NMNAT3: variants seen among roughly 807,000 people sequenced by gnomAD.
NMNAT3 encodes nicotinamide nucleotide adenylyltransferase 3.
In NMNAT3, 21 loss-of-function variants were observed where a neutral mutation model predicts 24.8. That is an observed-to-expected ratio of 0.85 (90% CI 0.60 to 1.22). The LOEUF (loss-of-function observed/expected upper bound fraction) is 1.22, where lower values mean the gene tolerates loss of function less well. Among genes scored for constraint, NMNAT3 ranks in the 50% most tolerant of loss-of-function variants. The pLI is 0.00. For synonymous variants in NMNAT3, 136 were observed against 155.2 expected, an observed-to-expected ratio of 0.88 and a Z score of 0.92; for missense variants, 387 against 436.6, an observed-to-expected ratio of 0.89 and a Z score of 1.01.
chr3:139,661,927 A>G (rs1049435570), intron 1 of NMNAT3, among the ~76,000 whole-genome samples: 1 of 152,206 alleles, frequency 6.6e-6, no homozygotes, highest in African/African-American at 2.4e-5. Context: ...ATTCCTTGAT[A>G]TCATCTAATC....
chr3:139,664,053 C>G (rs543272407), intron 1 of NMNAT3, among the ~76,000 whole-genome samples: 1 of 152,342 alleles, frequency 6.6e-6, no homozygotes, highest in Non-Finnish European at 1.5e-5. Context: ...TTGAGAAAAT[C>G]AGACAGTAAA....
intron 1 of NMNAT3, among the ~76,000 whole-genome samples, chr3:139,653,135 T>C (rs2057111640): frequency 6.6e-6 from 1 of 152,200 alleles, no homozygotes; most frequent in Non-Finnish European, 1.5e-5. Flanking sequence ...TGTCACTGTA[T>C]TGGTGTTATT....
At chr3:139,591,820 C>T (rs1296570260) in intron 3 of NMNAT3, among the ~76,000 whole-genome samples, 2 of 152,260 alleles carry the variant, frequency 1.3e-5, no homozygotes, top group African/African-American at 4.8e-5. Flanking sequence ...CCCATCTGTA[C>T]TTCACCATCA....
intron 1 of NMNAT3, among the ~76,000 whole-genome samples, chr3:139,659,787 A>G (rs1407633094): frequency 2.0e-5 from 3 of 152,194 alleles, no homozygotes; most frequent in Non-Finnish European, 2.9e-5. Flanking sequence ...ACATCCAGTC[A>G]TCGATAGTCT....
At chr3:139,656,524 A>G (rs1235273984) in intron 1 of NMNAT3, among the ~76,000 whole-genome samples, 1 of 152,010 alleles carries the variant, frequency 6.6e-6, no homozygotes, top group Non-Finnish European at 1.5e-5. Context: ...AGCTACTTAA[A>G]TACTCAAAAT....
chr3:139,575,804 A>G, intron 5 of NMNAT3: 1 of 1,194,206 alleles, frequency 8.4e-7, no homozygotes, highest in Non-Finnish European at 1.1e-6. Flanking sequence ...CAGCAGTCCC[A>G]CTGGTCTTCA....
chr3:139,656,092 A>G (rs2057231725), intron 1 of NMNAT3, among the ~76,000 whole-genome samples: 1 of 152,186 alleles, frequency 6.6e-6, no homozygotes, highest in Admixed American at 6.5e-5. Context: ...TCTCCTAAAC[A>G]AGACTGTCTG....
chr3:139,628,611 C>T (rs1360642350), intron 2 of NMNAT3, among the ~76,000 whole-genome samples: 3 of 152,188 alleles, frequency 2.0e-5, no homozygotes, highest in Non-Finnish European at 4.4e-5. Flanking sequence ...TCTGGTCTCA[C>T]CCTGTTGAGG....
At chr3:139,605,833 T>TTA (rs769251389) in intron 3 of NMNAT3, among the ~76,000 whole-genome samples, 5 of 152,062 alleles carry the variant, frequency 3.3e-5, no homozygotes, top group Admixed American at 6.6e-5. Flanking sequence ...GTTTTGGCAA[T>TTA]TAAATAACAA....
At chr3:139,671,185 T>G (rs1326260499) in intron 1 of NMNAT3, among the ~76,000 whole-genome samples, 1 of 152,230 alleles carries the variant, frequency 6.6e-6, no homozygotes, top group Non-Finnish European at 1.5e-5. Context: ...AATTCCCTTT[T>G]TCATATGTAA....
At chr3:139,626,474 A>G (rs554907844) in intron 3 of NMNAT3, among the ~76,000 whole-genome samples, 12 of 152,152 alleles carry the variant, frequency 7.9e-5, no homozygotes, top group Middle Eastern at 3.4e-3. Flanking sequence ...TATTGTCCAT[A>G]TCTCTACTTA....
intron 3 of NMNAT3, among the ~76,000 whole-genome samples, chr3:139,622,800 G>T (rs1359922818): frequency 7.3e-6 from 1 of 136,538 alleles, no homozygotes; most frequent in Non-Finnish European, 1.6e-5. Flanking sequence ...TGATATATAT[G>T]ATATATATAT....
intron 3 of NMNAT3, among the ~76,000 whole-genome samples, chr3:139,611,285 G>A (rs1369830005): frequency 2.0e-5 from 3 of 152,188 alleles, no homozygotes; most frequent in Admixed American, 6.5e-5. Context: ...ATGCTTTAAC[G>A]AAGTGTTGAG....
chr3:139,576,703 G>C (rs1576545072), intron 5 of NMNAT3, among the ~76,000 whole-genome samples: 1 of 152,146 alleles, frequency 6.6e-6, no homozygotes, highest in East Asian at 1.9e-4. Flanking sequence ...AAGCTCCCTG[G>C]GTGATTCCCG....
intron 1 of NMNAT3, among the ~76,000 whole-genome samples, chr3:139,652,457 T>C (rs2057087095): frequency 6.6e-6 from 1 of 152,164 alleles, no homozygotes; most frequent in Non-Finnish European, 1.5e-5. Context: ...TTGCCCAAGA[T>C]TGCACAGCAA....
At chr3:139,654,776 C>A (rs2057181160) in intron 1 of NMNAT3, among the ~76,000 whole-genome samples, 1 of 152,204 alleles carries the variant, frequency 6.6e-6, no homozygotes, top group African/African-American at 2.4e-5. Context: ...TAAAATGGTT[C>A]CAAAGTCCTT....
At chr3:139,674,416 G>A (rs560139034) in intron 1 of NMNAT3, among the ~76,000 whole-genome samples, 19 of 152,202 alleles carry the variant, frequency 1.2e-4, no homozygotes, top group East Asian at 9.7e-4. Context: ...GGCCTGCCCC[G>A]CAAAATGGGA....
chr3:139,604,103 C>T (rs2054833364), intron 3 of NMNAT3, among the ~76,000 whole-genome samples: 1 of 152,134 alleles, frequency 6.6e-6, no homozygotes, highest in African/African-American at 2.4e-5. Flanking sequence ...TGACAGGAGG[C>T]AAAGATGTCA....
At chr3:139,643,793 G>T (rs1448785023) in intron 1 of NMNAT3, among the ~76,000 whole-genome samples, 1 of 152,202 alleles carries the variant, frequency 6.6e-6, no homozygotes, top group Non-Finnish European at 1.5e-5. Context: ...AAGTTCTGAA[G>T]ATTGCTTGCA....
Sources: gnomAD v4.1 joint callset for allele counts (sites outside exome capture counted in the v4.1 genomes callset) on GRCh38, gnomAD v4.1.1 for gene constraint, MANE v1.5 for transcripts, NCBI Gene and HGNC (gene_info 2026-07-23, HGNC 2026-07-21) for gene names.